Variants in KIF9 observed in about 807,000 individuals in gnomAD.
KIF9 encodes kinesin-like protein KIF9.
In KIF9, 68 loss-of-function variants were observed where a neutral mutation model predicts 94.8. The observed-to-expected ratio is 0.72, with a 90% confidence interval of 0.59 to 0.88. KIF9 has a LOEUF of 0.88. Among genes scored for constraint, KIF9 ranks in the 40% least tolerant of loss-of-function variants. KIF9 has a pLI of 0.00. For synonymous variants in KIF9, 343 were observed against 362.1 expected, an observed-to-expected ratio of 0.95 and a Z score of 0.60; for missense variants, 882 against 982.5, an observed-to-expected ratio of 0.90 and a Z score of 1.37.
rs779690231 is a variant in KIF9, at chr3:47,265,925, C to T, written c.769-48G>A. The T allele has an allele frequency of 6.2e-6, 10 of 1,604,268 alleles. No individual in the cohort carries two copies. In the Admixed American group the frequency reaches 1.3e-4, roughly 21 times the overall value. ...ACTTTGGATGGAATAAAGCAGCTGCCCCACTAAGAATAGCAGTCTTCCTGG... is the reference window on the plus strand; with the variant it reads ...ACTTTGGATGGAATAAAGCAGCTGCTCCACTAAGAATAGCAGTCTTCCTGG... On this transcript the variant is annotated intron_variant, in intron 7 of 20. Coordinates refer to ENST00000684063, the MANE Select transcript of KIF9 (RefSeq NM_182902.4).
At chr3:47,232,631 G>T (rs1364053733) in intron 20 of KIF9, among the ~76,000 whole-genome samples, 2 of 151,892 alleles carry the variant, frequency 1.3e-5, no homozygotes, top group Non-Finnish European at 2.9e-5. Context: ...TTTTGTTGCA[G>T]CAGCCTAAAT....
intron 5 of KIF9, among the ~76,000 whole-genome samples, chr3:47,268,954 A>C (rs2107466066): frequency 6.6e-6 from 1 of 151,776 alleles, no homozygotes; most frequent in Middle Eastern, 3.4e-3. Flanking sequence ...TTGTATTTTT[A>C]ATAGAGAGGG....
chr3:47,265,363 C>T (rs1701223685), intron 8 of KIF9, among the ~76,000 whole-genome samples: 1 of 152,044 alleles, frequency 6.6e-6, no homozygotes, highest in Non-Finnish European at 1.5e-5. Context: ...AAGACAAAGC[C>T]CCCGCTGCTC....
At chr3:47,233,544 A>T (rs1173225380) in intron 20 of KIF9, among the ~76,000 whole-genome samples, 1 of 151,272 alleles carries the variant, frequency 6.6e-6, no homozygotes, top group Non-Finnish European at 1.5e-5. Flanking sequence ...AAAAAAAAAA[A>T]AAATTAGCTG....
At chr3:47,240,199 G>C in intron 17 of KIF9, 1 of 245,682 alleles carries the variant, frequency 4.1e-6, no homozygotes, top group Non-Finnish European at 8.2e-6. Flanking sequence ...AACCAGGTGA[G>C]CACCCTCCCC....
chr3:47,247,571 C>A (rs1575982716), intron 11 of KIF9, 94 bp from the exon 12 acceptor site: 3 of 981,954 alleles, frequency 3.1e-6, no homozygotes. Context: ...AGTGGGGAGG[C>A]TGGGCACAGG....
chr3:47,274,794 T>C (rs1261192279), intron 3 of KIF9, among the ~76,000 whole-genome samples: 1 of 151,912 alleles, frequency 6.6e-6, no homozygotes, highest in Non-Finnish European at 1.5e-5. Context: ...ACATTCAGGA[T>C]AAATTACAGC....
At chr3:47,264,948 C>G (rs1356851374) in intron 8 of KIF9, among the ~76,000 whole-genome samples, 1 of 152,186 alleles carries the variant, frequency 6.6e-6, no homozygotes, top group Non-Finnish European at 1.5e-5. Context: ...AGAAGGTAGC[C>G]ATCTGCAAGC....
chr3:47,254,814 C>T (rs367611312), intron 10 of KIF9, among the ~76,000 whole-genome samples: 8 of 151,608 alleles, frequency 5.3e-5, no homozygotes, highest in South Asian at 2.1e-4. Flanking sequence ...GGATAGAAGC[C>T]GACCTTAAGA....
intron 9 of KIF9, among the ~76,000 whole-genome samples, chr3:47,260,074 G>GGA (rs1700867572): frequency 8.0e-6 from 1 of 125,780 alleles, no homozygotes; most frequent in Non-Finnish European, 1.6e-5. Context: ...TATAAAACCC[G>GGA]ATTGTATGCT....
In KIF9 at chr3:47,236,514, A is replaced by C. The variant is rs141328638; in HGVS notation, c.2030T>G (p.Leu677Arg). The change falls in exon 18 of 21, where the codon CTG (leucine) becomes CGG (arginine). Residue 677 changes from leucine (L) to arginine (R), a missense_variant. Coordinates refer to ENST00000684063, the MANE Select transcript of KIF9 (RefSeq NM_182902.4). ...CTGGATCTCAGCCCTGAGGTCACGC[A>C]GGTCCTGGTACTCGCTGCGGTACTG... is the stretch of plus-strand genomic sequence containing the variant. ...KKQYRSEYQD[L>R]RDLRAEIQYC... 1 of 1,613,950 alleles carries C rather than the reference A, an allele frequency of 6.2e-7. No homozygotes were observed. Among genetic ancestry groups the C allele is most frequent in the Non-Finnish European group, 8.5e-7 (1 of 1,180,046 alleles).
At chr3:47,256,067 T>C (rs1451782016) in intron 10 of KIF9, among the ~76,000 whole-genome samples, 1 of 152,350 alleles carries the variant, frequency 6.6e-6, no homozygotes, top group Middle Eastern at 3.4e-3. Flanking sequence ...CAGTGCTCAA[T>C]GGTGCCCAGG....
intron 4 of KIF9, among the ~76,000 whole-genome samples, chr3:47,272,305 A>G (rs1254507580): frequency 6.6e-6 from 1 of 152,188 alleles, no homozygotes; most frequent in Non-Finnish European, 1.5e-5. Context: ...AATAGTAGAC[A>G]CAAGTTACAG....
At chr3:47,247,560 A>G in intron 11 of KIF9, 83 bp from the exon 12 acceptor site, 1 of 1,085,700 alleles carries the variant, frequency 9.2e-7, no homozygotes, top group South Asian at 1.3e-5. Context: ...CTGAGAGGCA[A>G]AGTGGGGAGG....
chr3:47,261,351 G>A (rs1240558889), intron 9 of KIF9, among the ~76,000 whole-genome samples: 2 of 152,216 alleles, frequency 1.3e-5, no homozygotes, highest in African/African-American at 2.4e-5. Flanking sequence ...TCTCTCTGGA[G>A]GGGGAGCCAG....
intron 3 of KIF9, 151 bp downstream of exon 3, chr3:47,275,174 A>C (rs1258219053): frequency 9.4e-6 from 6 of 638,690 alleles, no homozygotes; most frequent in Non-Finnish European, 1.6e-5. Flanking sequence ...CAATGTCAAC[A>C]AGCAAACAGT....
intron 14 of KIF9, 186 bp from the exon 15 acceptor site, chr3:47,245,110 T>C: frequency 1.5e-6 from 1 of 686,162 alleles, no homozygotes. Context: ...CTGCCAAATG[T>C]CCACTTTCCA....
At chr3:47,260,594 T>C (rs1159561776) in intron 9 of KIF9, among the ~76,000 whole-genome samples, 1 of 152,120 alleles carries the variant, frequency 6.6e-6, no homozygotes, top group African/African-American at 2.4e-5. Context: ...TGGTTGCTCA[T>C]TTAATCCTCG....
At chr3:47,229,315 G>A (rs1185479324) in intron 20 of KIF9, among the ~76,000 whole-genome samples, 2 of 152,172 alleles carry the variant, frequency 1.3e-5, no homozygotes, top group Non-Finnish European at 2.9e-5. Context: ...TGCCCCATGG[G>A]TAACTGCAGA....
Sources: allele counts gnomAD v4.1 joint callset (sites outside exome capture counted in the v4.1 genomes callset), GRCh38; gene constraint gnomAD v4.1.1; transcripts MANE v1.5; gene names NCBI Gene and HGNC (gene_info 2026-07-23, HGNC 2026-07-21).